The following ADGRV1 variants were observed in gnomAD, a reference collection of about 807,000 sequenced individuals.
The protein encoded by ADGRV1 is G-protein coupled receptor 98.
In ADGRV1, 359 loss-of-function variants were observed where a neutral mutation model predicts 596.2. The ratio of observed to expected loss-of-function variants is 0.60; its 90% CI spans 0.55 to 0.66. The LOEUF (loss-of-function observed/expected upper bound fraction) is 0.66, where lower values mean the gene tolerates loss of function less well. Among genes scored for constraint, ADGRV1 ranks in the 30% least tolerant of loss-of-function variants. The pLI is 0.00. For synonymous variants in ADGRV1, 2,681 were observed against 2,679.2 expected, an observed-to-expected ratio of 1.00 and a Z score of -0.02; for missense variants, 7,274 against 7,575.6, an observed-to-expected ratio of 0.96 and a Z score of 1.48.
chr5:91,088,885 C>T (rs1232456044), intron 86 of ADGRV1, among the ~76,000 whole-genome samples: 1 of 152,096 alleles, frequency 6.6e-6, no homozygotes, highest in Non-Finnish European at 1.5e-5. Flanking sequence ...GGGCACAAAT[C>T]ACTTTGATCA....
At chr5:90,916,631 A>ATTTTTTTTT (rs11407284) in intron 83 of ADGRV1, among the ~76,000 whole-genome samples, 9 of 124,680 alleles carry the variant, frequency 7.2e-5, no homozygotes, top group Admixed American at 1.8e-4. Flanking sequence ...GCGTTCACAA[A>ATTTTTTTTT]TTTTTTTTTT....
chr5:90,635,915 T>C (rs1766138644), intron 10 of ADGRV1, among the ~76,000 whole-genome samples: 1 of 151,844 alleles, frequency 6.6e-6, no homozygotes, highest in East Asian at 1.9e-4. Context: ...TTTTTTTTTT[T>C]TTCTTAATGG....
rs776299842 is a variant in ADGRV1, at chr5:90,675,227, C to A, written c.5111-16C>A. 6.2e-7 allele frequency: 1 copy of A among 1,608,200 alleles called. No homozygotes were observed. The highest frequency in any genetic ancestry group is 8.5e-7 in the Non-Finnish European group (1 of 1,176,548). ...AGTTCATTGGGACAATGCCCTGGCC[C>A]CTTTGTCTCCACTAGGCTTGCTGCA... On this transcript the variant is annotated splice_polypyrimidine_tract_variant and intron_variant, in intron 23 of 89. Coordinates refer to ENST00000405460, the MANE Select transcript of ADGRV1 (RefSeq NM_032119.4).
chr5:91,030,672 A>T (rs930050841), intron 85 of ADGRV1, among the ~76,000 whole-genome samples: 1 of 152,182 alleles, frequency 6.6e-6, no homozygotes, highest in Non-Finnish European at 1.5e-5. Flanking sequence ...CCCCAAAGGA[A>T]AAATTTCTGA....
intron 15 of ADGRV1, among the ~76,000 whole-genome samples, chr5:90,645,410 C>A (rs907041834): frequency 2.0e-5 from 3 of 152,100 alleles, no homozygotes; most frequent in African/African-American, 7.2e-5. Context: ...GAGGGGAGCA[C>A]CAGTTCACAG....
chr5:90,989,765 C>T (rs1238563723), intron 85 of ADGRV1, among the ~76,000 whole-genome samples: 1 of 152,192 alleles, frequency 6.6e-6, no homozygotes, highest in Non-Finnish European at 1.5e-5. Flanking sequence ...CCACTCTCCT[C>T]CCTTGTTTTC....
At chr5:90,843,636 A>G (rs1271931100) in intron 78 of ADGRV1, among the ~76,000 whole-genome samples, 1 of 152,222 alleles carries the variant, frequency 6.6e-6, no homozygotes, top group African/African-American at 2.4e-5. Flanking sequence ...AAAACCCAGA[A>G]GCCACAAAGG....
intron 87 of ADGRV1, among the ~76,000 whole-genome samples, chr5:91,124,693 A>G (rs1348351298): frequency 6.6e-6 from 1 of 152,190 alleles, no homozygotes; most frequent in East Asian, 1.9e-4. Context: ...AAAATGTGGA[A>G]GTATTCCTCA....
intron 50 of ADGRV1, among the ~76,000 whole-genome samples, chr5:90,736,710 C>T (rs1159385739): frequency 6.6e-6 from 1 of 151,690 alleles, no homozygotes; most frequent in Non-Finnish European, 1.5e-5. Flanking sequence ...TGCTATGTGT[C>T]TAGACGTTTA....
intron 1 of ADGRV1, among the ~76,000 whole-genome samples, chr5:90,559,305 C>T (rs1580260793): frequency 6.6e-6 from 1 of 152,020 alleles, no homozygotes; most frequent in East Asian, 1.9e-4. Flanking sequence ...AATAACAGAC[C>T]AAGAACGGTG....
intron 85 of ADGRV1, among the ~76,000 whole-genome samples, chr5:91,053,359 G>T (rs1182880525): frequency 6.6e-6 from 1 of 152,056 alleles, no homozygotes; most frequent in African/African-American, 2.4e-5. Context: ...TTAATTCTAT[G>T]TGTTTATTAA....
At chr5:91,156,284 A>AAGGGAAAC (rs1361359788) in intron 89 of ADGRV1, among the ~76,000 whole-genome samples, 1 of 152,212 alleles carries the variant, frequency 6.6e-6, no homozygotes, top group Non-Finnish European at 1.5e-5. Flanking sequence ...GAGAAGAAGG[A>AAGGGAAAC]AGGGAAACAG....
intron 86 of ADGRV1, among the ~76,000 whole-genome samples, chr5:91,083,394 TAAAAA>T (rs1406549557): frequency 6.6e-6 from 1 of 151,946 alleles, no homozygotes; most frequent in Non-Finnish European, 1.5e-5. Context: ...AGTATAATAA[TAAAAA>T]GAAAAAAAAT....
At chr5:91,116,800 G>T (rs752654573) in intron 87 of ADGRV1, among the ~76,000 whole-genome samples, 7 of 152,156 alleles carry the variant, frequency 4.6e-5, no homozygotes, top group Non-Finnish European at 1.0e-4. Context: ...CAGTTATAAA[G>T]TGGTAATATA....
chr5:90,863,489 C>T (rs1767799944), intron 82 of ADGRV1, among the ~76,000 whole-genome samples: 1 of 152,098 alleles, frequency 6.6e-6, no homozygotes, highest in Non-Finnish European at 1.5e-5. Context: ...AATTACCAAA[C>T]CTGAGTTTTG....
chr5:90,907,050 A>G (rs1175122053), intron 83 of ADGRV1, among the ~76,000 whole-genome samples: 1 of 152,174 alleles, frequency 6.6e-6, no homozygotes, highest in Non-Finnish European at 1.5e-5. Context: ...CATCTTTTCC[A>G]AGTTAAGATA....
At chr5:90,791,427 G>A (rs774460371) in intron 70 of ADGRV1, 81 bp downstream of exon 70, 430 of 1,040,548 alleles carry the variant, frequency 4.1e-4, no homozygotes, top group Non-Finnish European at 5.3e-4. Flanking sequence ...TAATCAGTTT[G>A]AAATCTTATT....
chr5:91,067,822 C>T (rs1788014611), intron 85 of ADGRV1, among the ~76,000 whole-genome samples: 1 of 152,070 alleles, frequency 6.6e-6, no homozygotes, highest in Admixed American at 6.6e-5. Flanking sequence ...TCATAATTCA[C>T]ATGAAAAAAA....
chr5:90,766,328 A>G (rs1258843304), intron 59 of ADGRV1, among the ~76,000 whole-genome samples: 1 of 152,102 alleles, frequency 6.6e-6, no homozygotes, highest in Non-Finnish European at 1.5e-5. Context: ...ATGTCTGGAT[A>G]TCATCCCCAG....
Sources: allele counts gnomAD v4.1 joint callset (sites outside exome capture counted in the v4.1 genomes callset), GRCh38; gene constraint gnomAD v4.1.1; transcripts MANE v1.5; gene names NCBI Gene and HGNC (gene_info 2026-07-23, HGNC 2026-07-21).